The following GRIA2 variants were observed in gnomAD, a reference collection of about 807,000 sequenced individuals.
The protein encoded by GRIA2 is glutamate ionotropic receptor AMPA type subunit 2, also known as glutamate receptor 2.
GRIA2 carries 14 observed loss-of-function variants against 97.3 expected under a neutral mutation model. The observed-to-expected ratio is 0.14, with a 90% CI of 0.10 to 0.23. The LOEUF is 0.23. GRIA2 is among the 10% of genes least tolerant of loss of function. The pLI is 1.00. For missense variants in GRIA2, 558 were observed against 1,069.8 expected (o/e 0.52, Z 6.67); for synonymous variants, 412 against 387.8 (o/e 1.06, Z -0.73).
chr4:157,363,801 C>A lies in GRIA2; in HGVS notation c.*370C>A. 1 of 362,786 alleles carries A rather than the reference C, an allele frequency of 2.8e-6. No homozygotes were observed. 22.5% of individuals were successfully genotyped at this position (362,786 alleles called of 1,614,324 possible). A position where few individuals can be genotyped will look rare whatever the true frequency, so the allele number is the denominator to read the frequency against. ...CGAGTTACAGACAAAGCGTGGTGGA[C>A]ATGCACAGCTAACATGGAAGTACTA... On this transcript the variant is annotated 3_prime_UTR_variant, in exon 16 of 16. Coordinates refer to ENST00000264426, the MANE Select transcript of GRIA2 (RefSeq NM_001083619.3).
At chr4:157,236,429 T>C (rs1730249200) in intron 2 of GRIA2, among the ~76,000 whole-genome samples, 1 of 152,162 alleles carries the variant, frequency 6.6e-6, no homozygotes, top group African/African-American at 2.4e-5. Context: ...TCTGCTTTTA[T>C]GTGCAGAGAT....
chr4:157,314,104 C>A (rs1468417378), intron 4 of GRIA2, among the ~76,000 whole-genome samples: 1 of 152,134 alleles, frequency 6.6e-6, no homozygotes, highest in East Asian at 1.9e-4. Context: ...GGAAGAAAAT[C>A]CATGTATAAG....
chr4:157,252,215 TC>T (rs1477678663), intron 2 of GRIA2, among the ~76,000 whole-genome samples: 1 of 152,152 alleles, frequency 6.6e-6, no homozygotes, highest in Admixed American at 6.5e-5. Context: ...TGCAGGAAGT[TC>T]TTAACTGTCA....
intron 2 of GRIA2, among the ~76,000 whole-genome samples, chr4:157,247,590 G>A (rs1167334637): frequency 2.6e-5 from 4 of 152,150 alleles, no homozygotes; most frequent in African/African-American, 2.4e-5. Flanking sequence ...CCTGAGCCAC[G>A]AAGGTGAGCA....
At chr4:157,242,106 G>A (rs1325746031) in intron 2 of GRIA2, among the ~76,000 whole-genome samples, 1 of 151,976 alleles carries the variant, frequency 6.6e-6, no homozygotes. Flanking sequence ...TGGCAGCATA[G>A]TTGAATGTTT....
chr4:157,314,151 G>A (rs1037378214), intron 4 of GRIA2, among the ~76,000 whole-genome samples: 4 of 152,088 alleles, frequency 2.6e-5, no homozygotes, highest in South Asian at 4.1e-4. Context: ...TGTTCAAGGG[G>A]CAATAGTATA....
chr4:157,305,862 A>G (rs888480257), intron 3 of GRIA2, among the ~76,000 whole-genome samples: 1 of 152,098 alleles, frequency 6.6e-6, no homozygotes, highest in Admixed American at 6.6e-5. Context: ...GTGTCATAGG[A>G]TAAGCATTAT....
chr4:157,261,726 G>A (rs1267869696), intron 2 of GRIA2, among the ~76,000 whole-genome samples: 5 of 152,080 alleles, frequency 3.3e-5, no homozygotes, highest in Admixed American at 6.6e-5. Flanking sequence ...GTTCAGCTCA[G>A]TTGCTTATTA....
intron 2 of GRIA2, among the ~76,000 whole-genome samples, chr4:157,226,703 A>T (rs1241035367): frequency 2.6e-5 from 4 of 152,132 alleles, no homozygotes; most frequent in Admixed American, 2.0e-4. Flanking sequence ...GTAAATAGTT[A>T]CAGATTGGCT....
intron 3 of GRIA2, among the ~76,000 whole-genome samples, chr4:157,311,244 C>T (rs1437826287): frequency 6.6e-6 from 1 of 151,952 alleles, no homozygotes; most frequent in East Asian, 1.9e-4. Flanking sequence ...CTAGCATCTA[C>T]CAAAGTCAAG....
chr4:157,238,283 A>G (rs775884647), intron 2 of GRIA2, among the ~76,000 whole-genome samples: 5 of 152,116 alleles, frequency 3.3e-5, no homozygotes, highest in Non-Finnish European at 7.4e-5. Flanking sequence ...GCCAACCGTC[A>G]GGGAAATTTA....
chr4:157,240,111 T>C lies in GRIA2; in HGVS notation c.229+18304T>C, dbSNP rs553027768. Among the ~76,000 whole-genome samples, 31 of 152,274 alleles carry C rather than the reference T, an allele frequency of 2.0e-4. No individual in the cohort carries two copies. In the East Asian group the frequency reaches 6.0e-3, roughly 29 times the overall value. On this transcript the variant is annotated intron_variant, in intron 2 of 15. Coordinates refer to ENST00000264426, the MANE Select transcript of GRIA2 (RefSeq NM_001083619.3). ...TTTCTTTATTACTTACAATAGATTA[T>C]TTAAAACAAGTTTTAAAATAATAAA...
At chr4:157,344,349 T>C (rs1735677658) in intron 12 of GRIA2, among the ~76,000 whole-genome samples, 1 of 152,026 alleles carries the variant, frequency 6.6e-6, no homozygotes, top group Non-Finnish European at 1.5e-5. Flanking sequence ...CAACTTTCCT[T>C]TGGTCCTAAG....
At position 157,361,575 on chromosome 4, in the gene GRIA2, C is replaced by G; in HGVS notation, c.2406+451C>G. 1 of 1,612,344 alleles carries G rather than the reference C, an allele frequency of 6.2e-7. No homozygotes were observed. The highest frequency in any genetic ancestry group is 8.5e-7 in the Non-Finnish European group (1 of 1,178,620). The stretch of plus-strand genomic sequence containing the variant: ...TCTTGCAGTATTGAAACTCAGTGAG[C>G]AAGGCGTCTTAGACAAGCTGAAAAA... On this transcript the variant is annotated intron_variant, in intron 14 of 15. Coordinates refer to ENST00000264426, the MANE Select transcript of GRIA2 (RefSeq NM_001083619.3). This position sits in a 1 kb window ranked among gnomAD's most constrained non-coding sequence, Gnocchi z 5.2.
intron 6 of GRIA2, among the ~76,000 whole-genome samples, chr4:157,326,273 G>T (rs753636771): frequency 6.6e-6 from 1 of 152,120 alleles, no homozygotes; most frequent in Non-Finnish European, 1.5e-5. Flanking sequence ...ATTTAAAACT[G>T]CAATCTTGCC....
At chr4:157,280,637 A>G (rs1732551596) in intron 2 of GRIA2, among the ~76,000 whole-genome samples, 1 of 151,928 alleles carries the variant, frequency 6.6e-6, no homozygotes, top group Non-Finnish European at 1.5e-5. Context: ...GTGTGCGTGC[A>G]TGTATACGTG....
intron 2 of GRIA2, among the ~76,000 whole-genome samples, chr4:157,274,949 T>C (rs1732218273): frequency 6.7e-6 from 1 of 150,202 alleles, no homozygotes; most frequent in Non-Finnish European, 1.5e-5. Flanking sequence ...CCACATCGAC[T>C]TCCACAATGG....
At chr4:157,329,007 A>G (rs1001340535) in intron 6 of GRIA2, among the ~76,000 whole-genome samples, 3 of 152,004 alleles carry the variant, frequency 2.0e-5, no homozygotes, top group Non-Finnish European at 4.4e-5. Context: ...AAGGGCACAT[A>G]TTCAATATGC....
At chr4:157,298,151 G>T (rs1228915622) in intron 2 of GRIA2, among the ~76,000 whole-genome samples, 1 of 152,192 alleles carries the variant, frequency 6.6e-6, no homozygotes, top group African/African-American at 2.4e-5. Context: ...GAAGGAGAGA[G>T]AAGAGGTGGG....
Sources: gnomAD v4.1 joint callset for allele counts (sites outside exome capture counted in the v4.1 genomes callset) on GRCh38, gnomAD v4.1.1 for gene constraint, Gnocchi (gnomAD v3.1) non-coding constraint, MANE v1.5 for transcripts, NCBI Gene and HGNC (gene_info 2026-07-23, HGNC 2026-07-21) for gene names.